GUCA1C: variants seen among roughly 807,000 people sequenced by gnomAD.
GUCA1C encodes the protein guanylyl cyclase-activating protein 3.
In GUCA1C, 15 loss-of-function variants were observed where a neutral mutation model predicts 16.2. The ratio of observed to expected loss-of-function variants is 0.93; its 90% CI spans 0.62 to 1.43. The LOEUF (loss-of-function observed/expected upper bound fraction) is 1.43. GUCA1C is among the 40% of genes most tolerant of loss of function. The pLI is 0.00. For synonymous variants in GUCA1C, 78 were observed against 85.4 expected, an observed-to-expected ratio of 0.91 and a Z score of 0.48; for missense variants, 275 against 244.8, an observed-to-expected ratio of 1.12 and a Z score of -0.82.
chr3:108,942,245 A>G (rs987226085), intron 1 of GUCA1C, among the ~76,000 whole-genome samples: 2 of 152,218 alleles, frequency 1.3e-5, no homozygotes, highest in Admixed American at 1.3e-4. Context: ...CTGGCACAGA[A>G]GTGTTGAGTG....
intron 1 of GUCA1C, among the ~76,000 whole-genome samples, chr3:108,924,551 A>G (rs920795089): frequency 4.6e-5 from 7 of 151,966 alleles, no homozygotes; most frequent in Non-Finnish European, 8.8e-5. Context: ...CTAGTATTTT[A>G]TTGAGGGTTT....
intron 2 of GUCA1C, among the ~76,000 whole-genome samples, chr3:108,917,258 A>T (rs746466754): frequency 9.2e-5 from 14 of 152,210 alleles, no homozygotes; most frequent in Non-Finnish European, 2.1e-4. Context: ...CAGTATCCCC[A>T]CATTCTGAAG....
chr3:108,944,709 G>C (rs893854692), intron 1 of GUCA1C, among the ~76,000 whole-genome samples: 1 of 152,168 alleles, frequency 6.6e-6, no homozygotes, highest in African/African-American at 2.4e-5. Flanking sequence ...CCTTATGAAG[G>C]TTAATAGGGG....
intron 3 of GUCA1C, among the ~76,000 whole-genome samples, chr3:108,909,538 G>A (rs941126565): frequency 2.0e-5 from 3 of 152,140 alleles, no homozygotes; most frequent in Admixed American, 6.5e-5. Flanking sequence ...CAAATTTATC[G>A]GGGCTCAGCA....
At chr3:108,929,018 CAA>C (rs1174249529) in intron 1 of GUCA1C, among the ~76,000 whole-genome samples, 2 of 152,166 alleles carry the variant, frequency 1.3e-5, no homozygotes, top group Non-Finnish European at 2.9e-5. Context: ...ATCTACAGAT[CAA>C]CTTGGGAAGA....
chr3:108,914,012 G>C (rs1946483489), intron 3 of GUCA1C, among the ~76,000 whole-genome samples: 1 of 150,754 alleles, frequency 6.6e-6, no homozygotes, highest in Non-Finnish European at 1.5e-5. Flanking sequence ...GTTGCAGTGA[G>C]CCGAGATCAC....
chr3:108,921,722 C>T (rs569523903), intron 1 of GUCA1C, among the ~76,000 whole-genome samples: 2 of 152,218 alleles, frequency 1.3e-5, no homozygotes, highest in African/African-American at 4.8e-5. Context: ...TTGTTTACCA[C>T]CTGTATTTCT....
At position 108,907,982 on chromosome 3, in the gene GUCA1C, ATGT is replaced by A. The variant is rs778145099; in HGVS notation, c.*37_*39del. On this transcript the variant is annotated 3_prime_UTR_variant, in exon 4 of 4. Transcript: ENST00000261047. Reference sequence around the variant, plus strand: ...AAGATTCTATTTCTTCTCTACTGAAATGTTGTGCTCATTGATAGCTGGGACAGG... The same window carrying A: ...AAGATTCTATTTCTTCTCTACTGAAATGTGCTCATTGATAGCTGGGACAGG... 1.5e-5 allele frequency: 22 copies of A among 1,428,750 alleles called. 1 individual carries two copies. The highest frequency in any genetic ancestry group is 6.8e-5 in the East Asian group (3 of 43,870). 88.5% of individuals were successfully genotyped at this position (1,428,750 alleles called of 1,614,324 possible).
At chr3:108,953,488 G>GAA (rs11330501) in intron 1 of GUCA1C, 71 bp downstream of exon 1, 387 of 872,706 alleles carry the variant, frequency 4.4e-4, no homozygotes, top group Middle Eastern at 7.3e-4. Flanking sequence ...TATTTTACAG[G>GAA]AAAAAAAAAA....
intron 1 of GUCA1C, among the ~76,000 whole-genome samples, chr3:108,923,315 T>C (rs1052807905): frequency 6.6e-6 from 1 of 152,238 alleles, no homozygotes; most frequent in East Asian, 1.9e-4. Flanking sequence ...TTGATTTAAG[T>C]CTTTGATCCA....
chr3:108,922,176 C>T (rs112692980), intron 1 of GUCA1C, among the ~76,000 whole-genome samples: 3,097 of 73,962 alleles, frequency 0.042, 53 homozygotes, highest in Middle Eastern at 0.2. Context: ...CACACACACA[C>T]ACACACACAC....
At chr3:108,938,355 T>C (rs546284222) in intron 1 of GUCA1C, among the ~76,000 whole-genome samples, 24 of 152,284 alleles carry the variant, frequency 1.6e-4, no homozygotes, top group Non-Finnish European at 2.9e-4. Context: ...CCAGCTGTGG[T>C]GAGTTGGTAG....
At chr3:108,911,909 C>A (rs1946458091) in intron 3 of GUCA1C, among the ~76,000 whole-genome samples, 1 of 152,002 alleles carries the variant, frequency 6.6e-6, no homozygotes, top group Non-Finnish European at 1.5e-5. Flanking sequence ...AGATTGAGAC[C>A]AGCCTGGCCA....
At chr3:108,949,909 TTC>T (rs1217137147) in intron 1 of GUCA1C, among the ~76,000 whole-genome samples, 2 of 152,226 alleles carry the variant, frequency 1.3e-5, no homozygotes, top group Non-Finnish European at 2.9e-5. Flanking sequence ...ATCCAAGATT[TTC>T]TTTCTTAGAA....
At chr3:108,908,330 A>G (rs1036292193) in intron 3 of GUCA1C, 121 bp from the exon 4 acceptor site, 7 of 432,934 alleles carry the variant, frequency 1.6e-5, no homozygotes, top group Non-Finnish European at 2.8e-5. Flanking sequence ...ACCAGACTCT[A>G]AGATCTTTGA....
At chr3:108,947,391 T>C (rs920489711) in intron 1 of GUCA1C, among the ~76,000 whole-genome samples, 1 of 152,012 alleles carries the variant, frequency 6.6e-6, no homozygotes, top group South Asian at 2.1e-4. Flanking sequence ...GTCTCAGGGG[T>C]GGCAGAGAAG....
At chr3:108,954,017 A>C (rs1469990431), upstream of GUCA1C, 4 of 481,520 alleles carry the variant, frequency 8.3e-6, no homozygotes, top group Non-Finnish European at 1.5e-5. Context: ...TTTTTTGTGA[A>C]GGGAACACGC....
intron 2 of GUCA1C, among the ~76,000 whole-genome samples, chr3:108,917,190 A>G (rs147251884): frequency 2.2e-3 from 337 of 152,360 alleles, no homozygotes; most frequent in African/African-American, 7.7e-3. Context: ...GAAAATTTTA[A>G]GGATTTCTCA....
intron 3 of GUCA1C, among the ~76,000 whole-genome samples, chr3:108,910,778 T>C (rs370225848): frequency 6.6e-6 from 1 of 151,404 alleles, no homozygotes; most frequent in Non-Finnish European, 1.5e-5. Flanking sequence ...GCCTCCCGAG[T>C]AGCTGGGACT....
Sources: allele counts gnomAD v4.1 joint callset (sites outside exome capture counted in the v4.1 genomes callset), GRCh38; gene constraint gnomAD v4.1.1; transcripts MANE v1.5; gene names NCBI Gene and HGNC (gene_info 2026-07-23, HGNC 2026-07-21).